The following SMYD3 variants were observed in gnomAD, a reference collection of about 807,000 sequenced individuals.
SMYD3 encodes SET and MYND domain containing 3, also known as histone-lysine N-methyltransferase SMYD3.
A neutral mutation model predicts 57.7 loss-of-function variants in SMYD3; 36 were observed. The ratio of observed to expected loss-of-function variants is 0.62; its 90% CI spans 0.48 to 0.82. The LOEUF is 0.82. Ranked by LOEUF, SMYD3 falls within the 40% of genes least tolerant of loss-of-function variation. SMYD3 has a pLI of 0.00. For synonymous variants in SMYD3, 211 were observed against 195.0 expected (o/e 1.08, Z -0.68); for missense variants, 515 against 538.8 (o/e 0.96, Z 0.44).
chr1:245,847,372 G>A lies in SMYD3; in HGVS notation c.1076+11124C>T, dbSNP rs573637229. Among the ~76,000 whole-genome samples, 6 of 152,182 alleles carry A rather than the reference G, an allele frequency of 3.9e-5. No homozygotes were observed. In the East Asian group the frequency reaches 5.8e-4, roughly 15 times the overall value. On this transcript the variant is annotated intron_variant, in intron 10 of 11. Coordinates refer to ENST00000490107, the MANE Select transcript of SMYD3 (RefSeq NM_001167740.2). Reference sequence around the variant, plus strand: ...CTGAAGTCCCATCCATCTATCCTTCGGGAGTTTCTGAAAACTCTATATGAA... The same window carrying A: ...CTGAAGTCCCATCCATCTATCCTTCAGGAGTTTCTGAAAACTCTATATGAA...
intron 5 of SMYD3, among the ~76,000 whole-genome samples, chr1:246,003,218 T>C (rs2059110136): frequency 6.6e-6 from 1 of 152,148 alleles, no homozygotes; most frequent in Non-Finnish European, 1.5e-5. Flanking sequence ...TATTGTTCTG[T>C]GGGGCTCCAA....
chr1:245,767,494 G>A (rs1256694801), intron 10 of SMYD3, among the ~76,000 whole-genome samples: 3 of 152,224 alleles, frequency 2.0e-5, no homozygotes, highest in Non-Finnish European at 2.9e-5. Context: ...GTGAAACCCC[G>A]TCAATATGTG....
At position 246,404,636 on chromosome 1, in the gene SMYD3, T is replaced by C. The variant is rs76667211; in HGVS notation, c.165-49542A>G. On this transcript the variant is annotated intron_variant, in intron 1 of 11. Coordinates refer to ENST00000490107, the MANE Select transcript of SMYD3 (RefSeq NM_001167740.2). Reference sequence around the variant, plus strand: ...GCATTTAGAAAGCCCCTGCAAGCACTTGATCTCTGCGTCCTCTTTACTTGA... The same window carrying C: ...GCATTTAGAAAGCCCCTGCAAGCACCTGATCTCTGCGTCCTCTTTACTTGA... Among the ~76,000 whole-genome samples the C allele has an allele frequency of 7.0e-3, 1,059 of 152,270 alleles. 17 individuals are homozygous for C. Among genetic ancestry groups the C allele is most frequent in the African/African-American group, 0.024 (986 of 41,554 alleles).
intron 5 of SMYD3, among the ~76,000 whole-genome samples, chr1:246,103,578 T>C (rs763099249): frequency 5.9e-5 from 9 of 152,076 alleles, no homozygotes. Context: ...ATAGTTGAGG[T>C]CGTTATCATC....
intron 5 of SMYD3, among the ~76,000 whole-genome samples, chr1:246,277,267 C>G (rs565797707): frequency 1.6e-4 from 24 of 151,922 alleles, no homozygotes; most frequent in Admixed American, 1.5e-3. Context: ...ATAAAACGCT[C>G]AACATCATTT....
intron 5 of SMYD3, chr1:246,326,232 C>G (rs2065345911): frequency 2.3e-6 from 1 of 437,458 alleles, no homozygotes. Flanking sequence ...GCAAAATTGT[C>G]AAAAGTAAAG....
intron 1 of SMYD3, among the ~76,000 whole-genome samples, chr1:246,496,887 C>G (rs1227061594): frequency 3.3e-5 from 5 of 152,096 alleles, no homozygotes; most frequent in Admixed American, 3.3e-4. Flanking sequence ...ATGTTTAAAA[C>G]TAAACATGAA....
rs1376985151 is a variant in SMYD3, at chr1:245,995,292, T to C, written c.532-65355A>G. On this transcript the variant is annotated intron_variant, in intron 5 of 11. Transcript: ENST00000490107. Reference sequence around the variant, plus strand: ...CTGTGCTACACGGAAGTCATGGGACTAGAGTAGAAACAACTAGGTCCAAAC... The same window carrying C: ...CTGTGCTACACGGAAGTCATGGGACCAGAGTAGAAACAACTAGGTCCAAAC... 2.0e-5 allele frequency among the ~76,000 whole-genome samples: 3 copies of C among 152,322 alleles called. No individual in the cohort carries two copies. In the East Asian group the frequency reaches 5.8e-4, roughly 29 times the overall value.
At chr1:246,361,955 A>G (rs989048392) in intron 1 of SMYD3, among the ~76,000 whole-genome samples, 2 of 152,182 alleles carry the variant, frequency 1.3e-5, no homozygotes, top group Non-Finnish European at 2.9e-5. Context: ...ATTAAAAAAG[A>G]AAAAGAATCT....
intron 5 of SMYD3, among the ~76,000 whole-genome samples, chr1:246,130,458 T>C (rs535388160): frequency 2.6e-5 from 4 of 152,134 alleles, no homozygotes; most frequent in Non-Finnish European, 5.9e-5. Context: ...CTGATTCTTA[T>C]AGAGTGACTA....
chr1:245,773,278 G>A (rs184953961), intron 10 of SMYD3, among the ~76,000 whole-genome samples: 22 of 152,280 alleles, frequency 1.4e-4, no homozygotes, highest in African/African-American at 5.3e-4. Context: ...CTGGGTGAGT[G>A]TCCTCATTAA....
At chr1:245,775,623 CCTGTTTAT>C (rs1174472704) in intron 10 of SMYD3, among the ~76,000 whole-genome samples, 2 of 151,320 alleles carry the variant, frequency 1.3e-5, no homozygotes. Flanking sequence ...CCTTTGTTCA[CCTGTTTAT>C]CTGCCGACCT....
At chr1:246,333,143 C>T (rs1459040799) in intron 3 of SMYD3, among the ~76,000 whole-genome samples, 1 of 152,130 alleles carries the variant, frequency 6.6e-6, no homozygotes, top group African/African-American at 2.4e-5. Context: ...TCGACTTTGC[C>T]TATGCTTTAC....
At chr1:246,488,410 C>A (rs1432540952) in intron 1 of SMYD3, among the ~76,000 whole-genome samples, 1 of 152,202 alleles carries the variant, frequency 6.6e-6, no homozygotes, top group African/African-American at 2.4e-5. Flanking sequence ...GAGATTTAGG[C>A]TGGGCGTGGT....
chr1:245,872,721 G>A (rs1441683839), intron 8 of SMYD3, among the ~76,000 whole-genome samples: 1 of 152,172 alleles, frequency 6.6e-6, no homozygotes, highest in African/African-American at 2.4e-5. Flanking sequence ...TAGATCTCAG[G>A]CAGAAACAGG....
chr1:245,954,173 T>C (rs1416261828), intron 5 of SMYD3, among the ~76,000 whole-genome samples: 2 of 152,230 alleles, frequency 1.3e-5, no homozygotes, highest in Non-Finnish European at 2.9e-5. Flanking sequence ...TCCTTAGTCC[T>C]TATACCATTT....
intron 1 of SMYD3, among the ~76,000 whole-genome samples, chr1:246,436,087 G>C (rs563041012): frequency 3.9e-5 from 6 of 151,904 alleles, no homozygotes; most frequent in Admixed American, 2.6e-4. Context: ...GCTTTCAGTG[G>C]GTAGTAGTTA....
At chr1:246,468,911 G>A (rs1326629937) in intron 1 of SMYD3, among the ~76,000 whole-genome samples, 1 of 152,154 alleles carries the variant, frequency 6.6e-6, no homozygotes, top group African/African-American at 2.4e-5. Flanking sequence ...AGGAGTTGGA[G>A]GCTACAGTGA....
In SMYD3 at chr1:245,960,049, G is replaced by A. The variant is rs200414066; in HGVS notation, c.532-30112C>T. ...CAGCCTCAGCCTCCCAAAGTGCTGG[G>A]ATTACAGGTGTGAGCCACATGTGCT... On this transcript the variant is annotated intron_variant, in intron 5 of 11. Coordinates refer to ENST00000490107, the MANE Select transcript of SMYD3 (RefSeq NM_001167740.2). Among the ~76,000 whole-genome samples, 15 of 152,252 alleles carry A rather than the reference G, an allele frequency of 9.9e-5. No individual in the cohort carries two copies. The East Asian group carries it at 2.7e-3, about 27-fold the overall frequency.
Sources: allele counts gnomAD v4.1 joint callset (sites outside exome capture counted in the v4.1 genomes callset), GRCh38; gene constraint gnomAD v4.1.1; transcripts MANE v1.5; gene names NCBI Gene and HGNC (gene_info 2026-07-23, HGNC 2026-07-21).